Variants in HDAC2 observed in about 807,000 individuals in gnomAD.
The protein encoded by HDAC2 is YY1-associated factor 1.
HDAC2 carries 5 observed loss-of-function variants against 68.5 expected under a neutral mutation model. The observed-to-expected ratio is 0.07, with a 90% CI of 0.04 to 0.15. HDAC2 has a LOEUF of 0.15. Ranked by LOEUF, HDAC2 falls within the 10% of genes least tolerant of loss-of-function variation. HDAC2 has a pLI of 1.00. For missense variants in HDAC2, 291 were observed against 600.8 expected, an observed-to-expected ratio of 0.48 and a Z score of 5.39; for synonymous variants, 182 against 191.3, an observed-to-expected ratio of 0.95 and a Z score of 0.40.
chr6:113,947,878 G>C (rs543184520), intron 8 of HDAC2: 1 of 152,146 alleles, frequency 6.6e-6, no homozygotes, highest in East Asian at 1.9e-4. Flanking sequence ...ATTAAGACCA[G>C]CAATTGTTCT....
chr6:113,953,523 T>G, intron 5 of HDAC2, 105 bp from the exon 6 acceptor site: 1 of 655,518 alleles, frequency 1.5e-6, no homozygotes. Context: ...CATTCCAGAA[T>G]GTTTAATCAC....
At chr6:113,967,243 C>T (rs926403718) in intron 1 of HDAC2, among the ~76,000 whole-genome samples, 8 of 152,172 alleles carry the variant, frequency 5.3e-5, no homozygotes, top group African/African-American at 1.9e-4. Flanking sequence ...ATTCTCCTGC[C>T]TCAGCCTCCC....
rs1776078608 is a variant in HDAC2, at chr6:113,939,481, T to C, written c.*1577A>G. On this transcript the variant is annotated 3_prime_UTR_variant, in exon 14 of 14. Transcript: ENST00000519065. ...AATAAAAAAAGCAAAGTTACAGAAT[T>C]GTCCAAATACATACCATCTATGTTT... The C allele has an allele frequency of 6.6e-6, 1 of 152,318 alleles. No individual in the cohort carries two copies. The highest frequency in any genetic ancestry group is 2.4e-5 in the African/African-American group (1 of 41,570). The allele number at this position is 152,318 out of a possible 1,614,324, so 9.4% of individuals were successfully genotyped here.
At chr6:113,959,049 A>C (rs1005687135) in intron 2 of HDAC2, among the ~76,000 whole-genome samples, 5 of 152,078 alleles carry the variant, frequency 3.3e-5, no homozygotes, top group African/African-American at 1.2e-4. Context: ...AGTCAAATCC[A>C]TATGTTCATA....
rs536855637 is a variant in HDAC2, at chr6:113,939,622, T to A, written c.*1436A>T. 2 of 152,098 alleles carry A rather than the reference T, an allele frequency of 1.3e-5. No individual in the cohort carries two copies. The highest frequency in any genetic ancestry group is 4.2e-4 in the South Asian group (2 of 4,818). The allele number at this position is 152,098 out of a possible 1,614,324, so 9.4% of individuals were successfully genotyped here. A position where few individuals can be genotyped will look rare whatever the true frequency, so the allele number is the denominator to read the frequency against. ...AATATGTAGCAAAAGTACAAAAACATGGGTAAAATATTCACAAAAACATGG... is the reference window on the plus strand; with the variant it reads ...AATATGTAGCAAAAGTACAAAAACAAGGGTAAAATATTCACAAAAACATGG... On this transcript the variant is annotated 3_prime_UTR_variant, in exon 14 of 14. Transcript: ENST00000519065.
intron 1 of HDAC2, among the ~76,000 whole-genome samples, chr6:113,964,067 A>G (rs1338396430): frequency 6.6e-6 from 1 of 152,208 alleles, no homozygotes; most frequent in African/African-American, 2.4e-5. Flanking sequence ...ATATTTCTAC[A>G]GCAAAAAAGT....
At chr6:113,952,789 C>T (rs1024549144) in intron 6 of HDAC2, among the ~76,000 whole-genome samples, 10 of 152,044 alleles carry the variant, frequency 6.6e-5, no homozygotes, top group Admixed American at 6.5e-4. Flanking sequence ...GGCAAGGTTA[C>T]ACTATGGTAT....
intron 8 of HDAC2, chr6:113,948,003 A>G (rs1414023463): frequency 6.6e-6 from 1 of 152,204 alleles, no homozygotes; most frequent in Admixed American, 6.5e-5. Context: ...ACAAACACTC[A>G]TGATAAAAAT....
At chr6:113,967,301 G>T (rs1463013139) in intron 1 of HDAC2, among the ~76,000 whole-genome samples, 1 of 152,106 alleles carries the variant, frequency 6.6e-6, no homozygotes, top group Non-Finnish European at 1.5e-5. Context: ...GCTAATTTTT[G>T]TATTTTTAGT....
Position 113,953,247 on chromosome 6 carries a change from A to C in HDAC2, c.639+30T>G, listed in dbSNP as rs754193166. The C allele has an allele frequency of 1.9e-5, 29 of 1,563,250 alleles. 1 individual carries two copies. The South Asian group carries it at 2.7e-4, about 15-fold the overall frequency. ...TACTGATCTCCTAGGTTCATCTCACAATATTTTTTCAGACAGAATTTAGTC... is the reference window on the plus strand; with the variant it reads ...TACTGATCTCCTAGGTTCATCTCACCATATTTTTTCAGACAGAATTTAGTC... On this transcript the variant is annotated intron_variant, in intron 6 of 13. Coordinates refer to ENST00000519065, the MANE Select transcript of HDAC2 (RefSeq NM_001527.4).
rs1420204692 is a variant in HDAC2 at position 113,952,076 on chromosome 6, C to A, written c.639+1201G>T. 2.0e-5 allele frequency among the ~76,000 whole-genome samples: 3 copies of A among 152,186 alleles called. No homozygotes were observed. In the East Asian group the frequency reaches 5.8e-4, roughly 29 times the overall value. ...ACAAATGTATTCTATCAGTTTACAG[C>A]AGTGGTTCTCAAACTTTAAGGTGAA... On this transcript the variant is annotated intron_variant, in intron 6 of 13. Coordinates refer to ENST00000519065, the MANE Select transcript of HDAC2 (RefSeq NM_001527.4).
At chr6:113,946,917 A>C (rs752518086) in intron 8 of HDAC2, 25 of 152,104 alleles carry the variant, frequency 1.6e-4, no homozygotes, top group Non-Finnish European at 1.0e-4. Flanking sequence ...GACAATGAAA[A>C]AACTAACCAC....
chr6:113,967,432 T>A (rs1240046652), intron 1 of HDAC2, among the ~76,000 whole-genome samples: 1 of 152,246 alleles, frequency 6.6e-6, no homozygotes, highest in Non-Finnish European at 1.5e-5. Flanking sequence ...CCTGGCCTAA[T>A]CTTGATAACT....
At position 113,949,400 on chromosome 6, in the gene HDAC2, C is replaced by T. The variant is rs954143871; in HGVS notation, c.640-140G>A. The T allele has an allele frequency of 1.4e-5, 9 of 625,632 alleles. No individual in the cohort carries two copies. The African/African-American group carries it at 1.7e-4, about 12-fold the overall frequency. 38.8% of individuals were successfully genotyped at this position (625,632 alleles called of 1,614,324 possible). A position where few individuals can be genotyped will look rare whatever the true frequency, so the allele number is the denominator to read the frequency against. ...TTCATCTTAGAAGTTGAGACCGGAA[C>T]AATCAAACTGAGAAAGGAAATAATA... is the stretch of plus-strand genomic sequence containing the variant. On this transcript the variant is annotated intron_variant, in intron 6 of 13. Coordinates refer to ENST00000519065, the MANE Select transcript of HDAC2 (RefSeq NM_001527.4).
chr6:113,933,042 T>G lies in HDAC2; in HGVS notation c.*8016A>C, dbSNP rs1775928518. 1 of 152,196 alleles carries G rather than the reference T, an allele frequency of 6.6e-6. No individual in the cohort carries two copies. Among genetic ancestry groups the G allele is most frequent in the Non-Finnish European group, 1.5e-5 (1 of 68,022 alleles). 9.4% of individuals were successfully genotyped at this position (152,196 alleles called of 1,614,324 possible). ...AAGAAAAGAGATGGGTCTTTTTCCT[T>G]TATTTGAGCTTTGTCTTTCCCATGT... On this transcript the variant is annotated 3_prime_UTR_variant, in exon 14 of 14. Coordinates refer to ENST00000519065, the MANE Select transcript of HDAC2 (RefSeq NM_001527.4).
At position 113,970,618 on chromosome 6, in the gene HDAC2, G is replaced by A. The variant is rs899806025; in HGVS notation, c.52+239C>T. On this transcript the variant is annotated intron_variant, in intron 1 of 13. Coordinates refer to ENST00000519065, the MANE Select transcript of HDAC2 (RefSeq NM_001527.4). Reference sequence around the variant, plus strand: ...AGGCTGCGGACTGCACGGCCGAAGGGGGAGAGGCAGGAGACAAGACGGGCG... The same window carrying A: ...AGGCTGCGGACTGCACGGCCGAAGGAGGAGAGGCAGGAGACAAGACGGGCG... 8 of 1,333,044 alleles carry A rather than the reference G, an allele frequency of 6.0e-6. No individual in the cohort carries two copies. The African/African-American group carries it at 7.8e-5, about 13-fold the overall frequency. 82.6% of individuals were successfully genotyped at this position (1,333,044 alleles called of 1,614,324 possible).
chr6:113,959,832 T>C (rs567030090), intron 2 of HDAC2, 74 bp downstream of exon 2: 90 of 705,084 alleles, frequency 1.3e-4, no homozygotes, highest in South Asian at 6.0e-4. Flanking sequence ...AGGGGAATAA[T>C]AGACAAAGTT....
In HDAC2 at chr6:113,937,584, G is replaced by C. The variant is rs1776031201; in HGVS notation, c.*3474C>G. 1 of 152,242 alleles carries C rather than the reference G, an allele frequency of 6.6e-6. No individual in the cohort carries two copies. The highest frequency in any genetic ancestry group is 2.4e-5 in the African/African-American group (1 of 41,458). The allele number at this position is 152,242 out of a possible 1,614,324, so 9.4% of individuals were successfully genotyped here. On this transcript the variant is annotated 3_prime_UTR_variant, in exon 14 of 14. Coordinates refer to ENST00000519065, the MANE Select transcript of HDAC2 (RefSeq NM_001527.4). Reference sequence around the variant, plus strand: ...TGCTTTCTAAGTCTGTAACATGATAGGTTTAGGCCGGGTACGGTGGCTCAT... The same window carrying C: ...TGCTTTCTAAGTCTGTAACATGATACGTTTAGGCCGGGTACGGTGGCTCAT...
At chr6:113,962,745 C>T (rs942386000) in intron 1 of HDAC2, among the ~76,000 whole-genome samples, 3 of 151,816 alleles carry the variant, frequency 2.0e-5, no homozygotes, top group African/African-American at 7.3e-5. Flanking sequence ...GGGCAGATCA[C>T]GAAGTCAAGA....
Sources: gnomAD v4.1 joint callset for allele counts (sites outside exome capture counted in the v4.1 genomes callset) on GRCh38, gnomAD v4.1.1 for gene constraint, MANE v1.5 for transcripts, NCBI Gene and HGNC (gene_info 2026-07-23, HGNC 2026-07-21) for gene names.